Variants in ZNF587 observed in about 807,000 individuals in gnomAD.
ZNF587 encodes zinc finger protein zfp6.
Under a neutral mutation model 7.5 loss-of-function variants are expected in ZNF587, and 8 were observed. The ratio of observed to expected loss-of-function variants is 1.06; its 90% CI spans 0.62 to 1.92. The LOEUF (loss-of-function observed/expected upper bound fraction) is 1.92. ZNF587 is among the 40% of genes most tolerant of loss of function. The pLI is 0.00. For synonymous variants in ZNF587, 145 were observed against 237.8 expected (o/e 0.61, Z 3.59); for missense variants, 468 against 692.8 (o/e 0.68, Z 3.64).
chr19:57,856,236 A>G lies in ZNF587; in HGVS notation c.163+3A>G. On this transcript the variant is annotated splice_donor_region_variant and intron_variant, in intron 2 of 2. Coordinates refer to ENST00000339656, the MANE Select transcript of ZNF587 (RefSeq NM_032828.4). ...CCTGGCTCTCATATCCTCGCTGGGT[A>G]AGTTGCTCACGCTCACCTTTGTGAC... is the stretch of plus-strand genomic sequence containing the variant. The G allele has an allele frequency of 6.4e-7, 1 of 1,569,544 alleles. No homozygotes were observed. Among genetic ancestry groups the G allele is most frequent in the South Asian group, 1.2e-5 (1 of 84,644 alleles).
rs146370293 is a variant in ZNF587, at chr19:57,861,129, T to C, written c.*989T>C. 1 of 152,302 alleles carries C rather than the reference T, an allele frequency of 6.6e-6. No individual in the cohort carries two copies. Among genetic ancestry groups the C allele is most frequent in the East Asian group, 1.9e-4 (1 of 5,180 alleles). The allele number at this position is 152,302 out of a possible 1,614,324, so 9.4% of individuals were successfully genotyped here. On this transcript the variant is annotated 3_prime_UTR_variant, in exon 3 of 3. Transcript: ENST00000339656. ...CTGCCTCAGCTTCTCAGGTGTGACCTACTGTGCTTGGCCTAATGTACAACT... is the reference window on the plus strand; with the variant it reads ...CTGCCTCAGCTTCTCAGGTGTGACCCACTGTGCTTGGCCTAATGTACAACT...
rs2122372235 is a variant in ZNF587, at chr19:57,862,968, T to G, written c.*2828T>G. ...AGTTATTGAGTGGACACTTTGTGTT[T>G]TTTTTGAGAAGTCTCACTCTTTCAC... On this transcript the variant is annotated 3_prime_UTR_variant, in exon 3 of 3. Transcript: ENST00000339656. 6.5e-6 allele frequency: 1 copy of G among 154,654 alleles called. No homozygotes were observed. Among genetic ancestry groups the G allele is most frequent in the East Asian group, 1.9e-4 (1 of 5,190 alleles). 9.6% of individuals were successfully genotyped at this position (154,654 alleles called of 1,614,324 possible).
Position 57,858,579 on chromosome 19 carries a change from G to C in ZNF587, c.167G>C (p.Cys56Ser). 1 of 1,602,328 alleles carries C rather than the reference G, an allele frequency of 6.2e-7. No homozygotes were observed. The highest frequency in any genetic ancestry group is 8.5e-7 in the Non-Finnish European group (1 of 1,172,938). The change falls in exon 3 of 3, where the codon TGT becomes TCT. Residue 56 changes from cysteine (C) to serine (S), a missense_variant. Coordinates refer to ENST00000339656, the MANE Select transcript of ZNF587 (RefSeq NM_032828.4). ...ACCAGCATTTTCTTGCTTTCAGGTT[G>C]TTGGTGTGGATCAAAAGATGAGGAG... ...ENLALISSLG[C>S]WCGSKDEEAP...
Position 57,856,465 on chromosome 19 carries a change from C to T in ZNF587, c.163+232C>T, listed in dbSNP as rs547292143. On this transcript the variant is annotated intron_variant, in intron 2 of 2. Coordinates refer to ENST00000339656, the MANE Select transcript of ZNF587 (RefSeq NM_032828.4). ...CTCTGTCACCCAGGCTGGAGTACAG[C>T]GGCGCCATCTCGGCTCACTGCAAGC... Among the ~76,000 whole-genome samples, 184 of 150,676 alleles carry T rather than the reference C, an allele frequency of 1.2e-3. 3 individuals carry two copies. Among genetic ancestry groups the T allele is most frequent in the African/African-American group, 4.0e-3 (162 of 40,830 alleles).
Position 57,859,720 on chromosome 19 carries a change from C to G in ZNF587, c.1308C>G (p.Tyr436Ter), listed in dbSNP as rs759330824. Residue 436 changes from tyrosine (Y) to a stop codon, truncating the protein, a stop_gained, in exon 3 of 3, where the codon TAC (tyrosine) becomes TAG (stop). Coordinates refer to ENST00000339656, the MANE Select transcript of ZNF587 (RefSeq NM_032828.4). LOFTEE classifies it low-confidence loss of function (END_TRUNC). ...HQRLHTGERPYNCRECGKLFN... is the reference protein window; with the variant it reads ...HQRLHTGERP ...GACTTCACACTGGGGAAAGACCTTA[C>G]AATTGTAGGGAATGTGGGAAATTAT... 1.2e-6 allele frequency: 2 copies of G among 1,613,328 alleles called. No individual in the cohort carries two copies. The highest frequency in any genetic ancestry group is 1.7e-6 in the Non-Finnish European group (2 of 1,179,868).
rs780401779 is a variant in ZNF587 at position 57,850,110 on chromosome 19, C to T, written c.33+39C>T. 6.8e-6 allele frequency: 11 copies of T among 1,614,092 alleles called. No homozygotes were observed. The African/African-American group carries it at 1.5e-4, about 22-fold the overall frequency. ...CTTCTGTGCCCTCAGGTCACCCCAT[C>T]GTCACCCAGGTCCTAAACCAGCGAG... is the stretch of plus-strand genomic sequence containing the variant. On this transcript the variant is annotated intron_variant, in intron 1 of 2. Coordinates refer to ENST00000339656, the MANE Select transcript of ZNF587 (RefSeq NM_032828.4).
rs941511409 is a variant in ZNF587, at chr19:57,860,579, C to T, written c.*439C>T. The T allele has an allele frequency of 1.4e-4, 32 of 222,328 alleles. No individual in the cohort carries two copies. Among genetic ancestry groups the T allele is most frequent in the African/African-American group, 5.7e-4 (25 of 43,618 alleles). 13.8% of individuals were successfully genotyped at this position (222,328 alleles called of 1,614,324 possible). A position where few individuals can be genotyped will look rare whatever the true frequency, so the allele number is the denominator to read the frequency against. On this transcript the variant is annotated 3_prime_UTR_variant, in exon 3 of 3. Transcript: ENST00000339656. ...CTCTGCACCTGGCCTTCATTCTTTT[C>T]GTATTGCTTAGAATATGACATGCTG...
rs938809268 is a variant in ZNF587, at chr19:57,861,916, T to A, written c.*1776T>A. On this transcript the variant is annotated 3_prime_UTR_variant, in exon 3 of 3. Transcript: ENST00000339656. The stretch of plus-strand genomic sequence containing the variant: ...TCCTGAGTAGCTGGGACTACAGGCA[T>A]GTGCCATTATACCTGGCTAATTTTA... 4 of 152,020 alleles carry A rather than the reference T, an allele frequency of 2.6e-5. No individual in the cohort carries two copies. Among genetic ancestry groups the A allele is most frequent in the Admixed American group, 6.6e-5 (1 of 15,230 alleles). The allele number at this position is 152,020 out of a possible 1,614,324, so 9.4% of individuals were successfully genotyped here.
In ZNF587 at chr19:57,850,918, ATC is replaced by A. The variant is rs749984598; in HGVS notation, c.33+849_33+850del. 1.3e-4 allele frequency: 26 copies of A among 193,610 alleles called. No individual in the cohort carries two copies. In the East Asian group the frequency reaches 1.6e-3, roughly 12 times the overall value. 12.0% of individuals were successfully genotyped at this position (193,610 alleles called of 1,614,324 possible). ...AAGGCGTGTGTCTAAACTACTTAAG[ATC>A]TTTAACTTAACTGAAACGGGTGGCT... On this transcript the variant is annotated intron_variant, in intron 1 of 2. Transcript: ENST00000339656.
chr19:57,857,879 G>A (rs1482617202), intron 2 of ZNF587, among the ~76,000 whole-genome samples: 1 of 151,774 alleles, frequency 6.6e-6, no homozygotes, highest in African/African-American at 2.4e-5. Flanking sequence ...CAGGTGATCT[G>A]CCCGCCTCGG....
intron 1 of ZNF587, chr19:57,853,894 T>G (rs975698087): frequency 1.3e-5 from 2 of 152,152 alleles, no homozygotes; most frequent in African/African-American, 4.8e-5. Context: ...TAGCTAGTAT[T>G]ACAGGCACCT....
At chr19:57,855,858 GC>G (rs2071348622) in intron 1 of ZNF587, 2 of 553,262 alleles carry the variant, frequency 3.6e-6, no homozygotes, top group African/African-American at 1.9e-5. Flanking sequence ...ACCGCACCCA[GC>G]CCAGAAGGGA....
chr19:57,855,593 G>T (rs151257242), intron 1 of ZNF587, among the ~76,000 whole-genome samples: 1,707 of 144,140 alleles, frequency 0.012, 32 homozygotes, highest in African/African-American at 0.043. Context: ...ATGGTGTCTC[G>T]CTCTGTTGGC....
intron 1 of ZNF587, among the ~76,000 whole-genome samples, chr19:57,855,559 T>A (rs888582819): frequency 6.8e-5 from 10 of 146,854 alleles, no homozygotes; most frequent in African/African-American, 1.0e-4. Context: ...GGTGTGGGCT[T>A]TTTTTGTTTT....
rs2071492254 is a variant in ZNF587 at position 57,865,113 on chromosome 19, C to G, written c.*4973C>G. On this transcript the variant is annotated 3_prime_UTR_variant, in exon 3 of 3. Coordinates refer to ENST00000339656, the MANE Select transcript of ZNF587 (RefSeq NM_032828.4). The stretch of plus-strand genomic sequence containing the variant: ...AAATATATGTCAAACTTTTTTTGTA[C>G]AAAAGATTCATACCTCTTTCCTGTT... 6.6e-6 allele frequency: 1 copy of G among 152,194 alleles called. No individual in the cohort carries two copies. The highest frequency in any genetic ancestry group is 1.5e-5 in the Non-Finnish European group (1 of 67,990). 9.4% of individuals were successfully genotyped at this position (152,194 alleles called of 1,614,324 possible). A position where few individuals can be genotyped will look rare whatever the true frequency, so the allele number is the denominator to read the frequency against.
rs2071349590 is a variant in ZNF587, at chr19:57,855,937, G to T, written c.34-167G>T. 4.2e-6 allele frequency: 5 copies of T among 1,190,122 alleles called. No individual in the cohort carries two copies. The Admixed American group carries it at 1.3e-4, about 30-fold the overall frequency. 73.7% of individuals were successfully genotyped at this position (1,190,122 alleles called of 1,614,324 possible). ...GTCCACCTACTTCTTGTTGCTGATG[G>T]CATTTGACCAGCAGGCCCATGAAGA... On this transcript the variant is annotated intron_variant, in intron 1 of 2. Transcript: ENST00000339656.
rs753013896 is a variant in ZNF587, at chr19:57,850,046, C to T, written c.8C>T (p.Ala3Val). MAAAVPRRPTQQG... is the reference protein window; with the variant it reads MAVAVPRRPTQQG... ...GCTTCCCCAAGTAGTCCGATGGCAGCGGCTGTGCCGAGGCGCCCAACTCAG... is the reference window on the plus strand; with the variant it reads ...GCTTCCCCAAGTAGTCCGATGGCAGTGGCTGTGCCGAGGCGCCCAACTCAG... The change falls in exon 1 of 3, where the codon GCG (alanine) becomes GTG (valine). Residue 3 changes from alanine (A) to valine (V), a missense_variant. Physicochemically the swap from Ala to Val is moderately conservative, Grantham distance 64. Transcript: ENST00000339656. The T allele has an allele frequency of 1.8e-5, 29 of 1,614,262 alleles. No individual in the cohort carries two copies. The South Asian group carries it at 2.2e-4, about 12-fold the overall frequency.
intron 1 of ZNF587, among the ~76,000 whole-genome samples, chr19:57,854,684 A>G (rs542260874): frequency 3.9e-5 from 6 of 152,054 alleles, no homozygotes; most frequent in Non-Finnish European, 5.9e-5. Flanking sequence ...TTATGGAAAC[A>G]AACCATTGCA....
At chr19:57,852,365 TCTGG>T in intron 1 of ZNF587, 1 of 398,676 alleles carries the variant, frequency 2.5e-6, no homozygotes, top group African/African-American at 2.1e-5. Flanking sequence ...ACAGGCTTCA[TCTGG>T]CTGGACCTTG....
Sources: gnomAD v4.1 joint callset for allele counts (sites outside exome capture counted in the v4.1 genomes callset) on GRCh38, gnomAD v4.1.1 for gene constraint, MANE v1.5 for transcripts, NCBI Gene and HGNC (gene_info 2026-07-23, HGNC 2026-07-21) for gene names.